The following RBFOX1 variants were observed in gnomAD, a reference collection of about 807,000 sequenced individuals.
RBFOX1 encodes RNA binding fox-1 homolog 1, also known as RNA binding protein fox-1 homolog 1.
A neutral mutation model predicts 57.7 loss-of-function variants in RBFOX1; 8 were observed. The observed-to-expected ratio is 0.14, with a 90% CI of 0.08 to 0.25. RBFOX1 has a LOEUF of 0.25. RBFOX1 is among the 10% of genes least tolerant of loss of function. RBFOX1 has a pLI of 1.00. For synonymous variants in RBFOX1, 326 were observed against 222.4 expected (o/e 1.47, Z -4.15); for missense variants, 611 against 548.5 (o/e 1.11, Z -1.14).
At chr16:7,249,063 G>GT (rs2094417575) in intron 4 of RBFOX1, among the ~76,000 whole-genome samples, 2 of 152,070 alleles carry the variant, frequency 1.3e-5, no homozygotes, top group South Asian at 4.1e-4. Context: ...GAAAAGTAGT[G>GT]TTCCAGGAAT....
At chr16:7,318,221 G>A (rs1264879071) in intron 4 of RBFOX1, among the ~76,000 whole-genome samples, 2 of 151,946 alleles carry the variant, frequency 1.3e-5, no homozygotes, top group South Asian at 4.2e-4. Context: ...TGGTGGTGAT[G>A]GCCATGGTAA....
chr16:6,456,232 T>G (rs1417571259), intron 2 of RBFOX1, among the ~76,000 whole-genome samples: 1 of 152,130 alleles, frequency 6.6e-6, no homozygotes, highest in Non-Finnish European at 1.5e-5. Flanking sequence ...TAAAAGAGAA[T>G]TGTGTATTTT....
chr16:6,732,382 A>C (rs563561297), intron 3 of RBFOX1, among the ~76,000 whole-genome samples: 1 of 152,330 alleles, frequency 6.6e-6, no homozygotes, highest in African/African-American at 2.4e-5. Flanking sequence ...GCTGGGAATC[A>C]GCTTCCCCAA....
At chr16:7,596,625 A>AT (rs2094715256) in intron 8 of RBFOX1, among the ~76,000 whole-genome samples, 1 of 152,022 alleles carries the variant, frequency 6.6e-6, no homozygotes, top group South Asian at 2.1e-4. Context: ...GACTTGTCGT[A>AT]TTAAGTTTTC....
intron 4 of RBFOX1, among the ~76,000 whole-genome samples, chr16:7,092,483 C>T (rs1276427334): frequency 6.6e-6 from 1 of 152,210 alleles, no homozygotes; most frequent in Non-Finnish European, 1.5e-5. Context: ...ACAACAGCCT[C>T]TTTAATACTG....
chr16:6,890,573 G>A (rs149251536), intron 3 of RBFOX1, among the ~76,000 whole-genome samples: 378 of 152,314 alleles, frequency 2.5e-3, no homozygotes, highest in African/African-American at 8.5e-3. Context: ...TGTGAGGATG[G>A]TAAAGTGATA....
rs559985968 is a variant in RBFOX1 at position 6,992,844 on chromosome 16, A to C, written c.-15-59213A>C. 1.4e-3 allele frequency among the ~76,000 whole-genome samples: 218 copies of C among 151,746 alleles called. 3 individuals carry two copies. The highest frequency in any genetic ancestry group is 0.012 in the Admixed American group (182 of 15,214). ...GCTGATTCCTTCCTTTTCCAAAAAA[A>C]AAAAAAAAAAGATTTGTGATACTTC... On this transcript the variant is annotated intron_variant, in intron 3 of 15. Transcript: ENST00000550418.
At chr16:6,924,049 A>T (rs1360668230) in intron 3 of RBFOX1, among the ~76,000 whole-genome samples, 1 of 151,958 alleles carries the variant, frequency 6.6e-6, no homozygotes, top group African/African-American at 2.4e-5. Context: ...ACGTACCTGT[A>T]GTCCCAGCTT....
chr16:6,365,033 G>C (rs1402826992), intron 2 of RBFOX1, among the ~76,000 whole-genome samples: 1 of 152,094 alleles, frequency 6.6e-6, no homozygotes, highest in Admixed American at 6.5e-5. Flanking sequence ...CATCTCACAG[G>C]GAGAGGTCTT....
At chr16:5,589,971 C>T (rs1252464425) in intron 2 of RBFOX1, among the ~76,000 whole-genome samples, 5 of 152,112 alleles carry the variant, frequency 3.3e-5, no homozygotes, top group South Asian at 2.1e-4. Context: ...CCTTGACTGA[C>T]GTGAGACTGG....
intron 3 of RBFOX1, among the ~76,000 whole-genome samples, chr16:6,659,600 G>C (rs1339336037): frequency 2.0e-5 from 3 of 152,104 alleles, no homozygotes; most frequent in Admixed American, 6.5e-5. Context: ...TCAAGCATGA[G>C]ACCAGGATTT....
At chr16:6,436,203 G>C (rs1303648821) in intron 2 of RBFOX1, among the ~76,000 whole-genome samples, 3 of 152,004 alleles carry the variant, frequency 2.0e-5, no homozygotes, top group Non-Finnish European at 4.4e-5. Flanking sequence ...CCTGCTTTAA[G>C]GGTGATATTG....
At chr16:5,877,723 C>A (rs780913027) in intron 4 of RBFOX1, among the ~76,000 whole-genome samples, 35 of 152,230 alleles carry the variant, frequency 2.3e-4, no homozygotes, top group Non-Finnish European at 4.7e-4. Flanking sequence ...GGCAGTTGTG[C>A]AGTCATATTT....
intron 3 of RBFOX1, among the ~76,000 whole-genome samples, chr16:7,014,917 C>T (rs1306968330): frequency 9.2e-5 from 14 of 151,848 alleles, no homozygotes; most frequent in Non-Finnish European, 1.6e-4. Context: ...ACTAGAGGCA[C>T]TTTTGAACAT....
chr16:5,619,179 A>G lies in RBFOX1; in HGVS notation c.318+20218A>G, dbSNP rs199765351. 2.4e-4 allele frequency among the ~76,000 whole-genome samples: 36 copies of G among 152,264 alleles called. No homozygotes were observed. In the East Asian group the frequency reaches 7.0e-3, roughly 29 times the overall value. On this transcript the variant is annotated intron_variant, in intron 3 of 19. Transcript: ENST00000641259. ...CCTGTGAGGCCTCAGCTCTAAGGCT[A>G]TGTTCGTTCTTAAAAAACAGTGTTG...
chr16:6,922,994 T>A (rs1185316801), intron 3 of RBFOX1, among the ~76,000 whole-genome samples: 1 of 152,194 alleles, frequency 6.6e-6, no homozygotes, highest in Non-Finnish European at 1.5e-5. Flanking sequence ...ATACACAAAC[T>A]ACTTATAAAT....
intron 2 of RBFOX1, among the ~76,000 whole-genome samples, chr16:5,488,730 G>A (rs1050624691): frequency 2.8e-4 from 43 of 151,276 alleles, no homozygotes; most frequent in African/African-American, 1.0e-3. Flanking sequence ...GGGTGCGATG[G>A]TGATGATAAT....
At chr16:6,502,292 T>G (rs2095959167) in intron 2 of RBFOX1, among the ~76,000 whole-genome samples, 1 of 152,146 alleles carries the variant, frequency 6.6e-6, no homozygotes, top group African/African-American at 2.4e-5. Flanking sequence ...GAACCCCTGA[T>G]CTACCTGGCA....
chr16:6,604,997 A>G (rs2097906501), intron 2 of RBFOX1, among the ~76,000 whole-genome samples: 1 of 151,964 alleles, frequency 6.6e-6, no homozygotes, highest in African/African-American at 2.4e-5. Context: ...AAAATTATAT[A>G]TAAATATAAA....
Sources: gnomAD v4.1 joint callset for allele counts (sites outside exome capture counted in the v4.1 genomes callset) on GRCh38, gnomAD v4.1.1 for gene constraint, MANE v1.5 for transcripts, NCBI Gene and HGNC (gene_info 2026-07-23, HGNC 2026-07-21) for gene names.